Variants in KSR1 observed in about 807,000 individuals in gnomAD.
KSR1 encodes kinase suppressor of ras.
KSR1 carries 35 observed loss-of-function variants against 92.9 expected under a neutral mutation model. The ratio of observed to expected loss-of-function variants is 0.38; its 90% confidence interval spans 0.29 to 0.50. The LOEUF is 0.50. KSR1 is among the 20% of genes least tolerant of loss of function. The pLI is 0.94. For synonymous variants in KSR1, 467 were observed against 472.6 expected, an observed-to-expected ratio of 0.99 and a Z score of 0.15; for missense variants, 972 against 1,158.5, an observed-to-expected ratio of 0.84 and a Z score of 2.34.
At chr17:27,473,303 T>C (rs952425758) in intron 1 of KSR1, among the ~76,000 whole-genome samples, 1 of 152,250 alleles carries the variant, frequency 6.6e-6, no homozygotes, top group African/African-American at 2.4e-5. Flanking sequence ...GCTTTGGTGA[T>C]GCTTAGCATT....
intron 1 of KSR1, among the ~76,000 whole-genome samples, chr17:27,514,498 A>C (rs1344779238): frequency 6.6e-6 from 1 of 152,128 alleles, no homozygotes; most frequent in African/African-American, 2.4e-5. Context: ...GTCTCTATTA[A>C]AAATACAAAA....
At chr17:27,479,692 G>GTTC (rs2150940156) in intron 1 of KSR1, among the ~76,000 whole-genome samples, 1 of 152,326 alleles carries the variant, frequency 6.6e-6, no homozygotes, top group African/African-American at 2.4e-5. Flanking sequence ...CCTCCAGGGA[G>GTTC]TGGGTAGGTT....
intron 2 of KSR1, among the ~76,000 whole-genome samples, chr17:27,564,968 CACT>C (rs1438042779): frequency 6.6e-6 from 1 of 152,140 alleles, no homozygotes; most frequent in Non-Finnish European, 1.5e-5. Context: ...TTATTTCTCT[CACT>C]ATGAAATCAA....
chr17:27,599,194 C>G (rs1279330645), intron 10 of KSR1, among the ~76,000 whole-genome samples: 1 of 152,192 alleles, frequency 6.6e-6, no homozygotes, highest in African/African-American at 2.4e-5. Context: ...GCAATTGTAG[C>G]ACAATGCTAA....
intron 1 of KSR1, among the ~76,000 whole-genome samples, chr17:27,494,739 C>T (rs541218320): frequency 6.6e-6 from 1 of 152,226 alleles, no homozygotes; most frequent in Non-Finnish European, 1.5e-5. Context: ...GTTTCCCAAT[C>T]AGCCTGGCAG....
At chr17:27,557,090 A>G (rs1417924897) in intron 2 of KSR1, among the ~76,000 whole-genome samples, 1 of 152,174 alleles carries the variant, frequency 6.6e-6, no homozygotes, top group Non-Finnish European at 1.5e-5. Context: ...GGAGGGACCT[A>G]AAACCCAACA....
intron 2 of KSR1, among the ~76,000 whole-genome samples, chr17:27,573,019 T>C (rs1169285257): frequency 6.6e-6 from 1 of 152,198 alleles, no homozygotes; most frequent in Non-Finnish European, 1.5e-5. Flanking sequence ...CCTGGTCCCC[T>C]GGAGTACTTG....
At chr17:27,568,047 G>T (rs376371558) in intron 2 of KSR1, among the ~76,000 whole-genome samples, 17 of 152,316 alleles carry the variant, frequency 1.1e-4, no homozygotes, top group African/African-American at 4.1e-4. Flanking sequence ...TCTGCTCAGG[G>T]TCTCTGTTGA....
chr17:27,562,223 A>AGTTGGCTTCTAGTGCCCCCC (rs1370126110), intron 2 of KSR1, among the ~76,000 whole-genome samples: 1 of 152,194 alleles, frequency 6.6e-6, no homozygotes, highest in African/African-American at 2.4e-5. Context: ...TAGAAGCACC[A>AGTTGGCTTCTAGTGCCCCCC]TGTTGGCAGG....
chr17:27,595,363 T>C (rs1427674563), intron 9 of KSR1, among the ~76,000 whole-genome samples: 1 of 152,246 alleles, frequency 6.6e-6, no homozygotes, highest in African/African-American at 2.4e-5. Context: ...CAAACATGTA[T>C]TAGTCACCTG....
At chr17:27,606,376 A>C (rs1035246968) in intron 14 of KSR1, among the ~76,000 whole-genome samples, 3 of 152,210 alleles carry the variant, frequency 2.0e-5, no homozygotes, top group African/African-American at 7.2e-5. Flanking sequence ...AGACACTATA[A>C]ACAGTTAACA....
At chr17:27,585,932 T>G in intron 5 of KSR1, 1 of 520,178 alleles carries the variant, frequency 1.9e-6, no homozygotes, top group Non-Finnish European at 3.5e-6. Flanking sequence ...TGAAGAGCCC[T>G]GTCTCCACCT....
chr17:27,474,666 C>T (rs933277595), intron 1 of KSR1, among the ~76,000 whole-genome samples: 15 of 151,802 alleles, frequency 9.9e-5, no homozygotes, highest in East Asian at 1.9e-4. Flanking sequence ...TTTATTTTAT[C>T]GACAAGTGTT....
intron 1 of KSR1, among the ~76,000 whole-genome samples, chr17:27,497,183 C>T (rs1237651705): frequency 6.6e-6 from 1 of 152,150 alleles, no homozygotes; most frequent in Non-Finnish European, 1.5e-5. Flanking sequence ...AAAGGGCTTG[C>T]GGTTTATGTT....
Position 27,467,867 on chromosome 17 carries a change from G to A in KSR1, c.231+10993G>A, listed in dbSNP as rs185182643. ...GCTCTGTCCCCCAGGCTGTAGTTCC[G>A]TGGCGCAATCGTGGCTCACTGCAAG... On this transcript the variant is annotated intron_variant, in intron 1 of 20. Transcript: ENST00000644974. Among the ~76,000 whole-genome samples the A allele has an allele frequency of 2.7e-3, 392 of 147,140 alleles. 3 individuals are homozygous for A. Among genetic ancestry groups the A allele is most frequent in the Middle Eastern group, 7.2e-3 (2 of 276 alleles).
chr17:27,621,170 G>T (rs190122332), intron 19 of KSR1, 23 bp from the exon 20 acceptor site: 1 of 398,678 alleles, frequency 2.5e-6, no homozygotes, highest in Non-Finnish European at 4.4e-6. Context: ...ACGCCTGGTG[G>T]AATGGTCGCT....
At chr17:27,488,060 A>G (rs2068719950) in intron 1 of KSR1, among the ~76,000 whole-genome samples, 1 of 152,204 alleles carries the variant, frequency 6.6e-6, no homozygotes, top group South Asian at 2.1e-4. Context: ...ACTGCCTCCC[A>G]GTGTCCCTGG....
At chr17:27,544,386 C>T (rs1753003241) in intron 1 of KSR1, among the ~76,000 whole-genome samples, 1 of 152,230 alleles carries the variant, frequency 6.6e-6, no homozygotes, top group Non-Finnish European at 1.5e-5. Context: ...AAGACTGAAG[C>T]TGAGCCAAGG....
chr17:27,573,015 C>G (rs556407789), intron 2 of KSR1, among the ~76,000 whole-genome samples: 2 of 152,156 alleles, frequency 1.3e-5, no homozygotes, highest in African/African-American at 4.8e-5. Context: ...AAAGCCTGGT[C>G]CCCTGGAGTA....
Sources: gnomAD v4.1 joint callset for allele counts (sites outside exome capture counted in the v4.1 genomes callset) on GRCh38, gnomAD v4.1.1 for gene constraint, MANE v1.5 for transcripts, NCBI Gene and HGNC (gene_info 2026-07-23, HGNC 2026-07-21) for gene names.